Variants in CABP1 observed in about 807,000 individuals in gnomAD.
CABP1 encodes the protein calcium binding protein 1.
A neutral mutation model predicts 34.3 loss-of-function variants in CABP1; 17 were observed. The ratio of observed to expected loss-of-function variants is 0.50; its 90% CI spans 0.34 to 0.74. The LOEUF is 0.74. Among genes scored for constraint, CABP1 ranks in the 30% least tolerant of loss-of-function variants. The probability of loss-of-function intolerance (pLI) is 0.01; values close to 1 mark genes in which losing one functional copy is unlikely to be tolerated. For synonymous variants in CABP1, 198 were observed against 229.2 expected, an observed-to-expected ratio of 0.86 and a Z score of 1.23; for missense variants, 373 against 511.1, an observed-to-expected ratio of 0.73 and a Z score of 2.61.
Position 120,641,213 on chromosome 12 carries a change from C to T in CABP1, c.528C>T (p.Ser176=). The part of the protein sequence containing the change: ...RGRDGEERGL[S]PALGLRGSLR... ...GGGATGGGGAGGAACGGGGACTGTC[C>T]CCGGCGCTCGGCCTCCGGGGCTCTC... Residue 176 remains serine, a synonymous_variant, in exon 1 of 6, where the codon TCC becomes TCT. Transcript: ENST00000316803. This position sits in a 1 kb window ranked among gnomAD's most constrained non-coding sequence, Gnocchi z 6.7. The T allele has an allele frequency of 1.6e-6, 2 of 1,258,608 alleles. No homozygotes were observed. The highest frequency in any genetic ancestry group is 2.0e-6 in the Non-Finnish European group (2 of 1,002,716). The allele number at this position is 1,258,608 out of a possible 1,614,324, so 78.0% of individuals were successfully genotyped here.
At chr12:120,656,405 A>T in intron 1 of CABP1, 1 of 773,782 alleles carries the variant, frequency 1.3e-6, no homozygotes, top group Non-Finnish European at 1.9e-6. Flanking sequence ...TTTTCCACTC[A>T]TGGCTACAAA....
downstream of CABP1, among the ~76,000 whole-genome samples, chr12:120,670,550 C>T (rs150084731): frequency 8.5e-3 from 1,294 of 152,186 alleles, 29 homozygotes; most frequent in Non-Finnish European, 8.9e-3. Flanking sequence ...GAGTCTGAGA[C>T]CAGCCTGACC....
Position 120,661,311 on chromosome 12 carries a change from G to C in CABP1, c.1087+93G>C. ...GTATCCATCATGCAACCATCAATCC[G>C]CCCTAATTTTCCAACCCCCAGCCCT... On this transcript the variant is annotated intron_variant, in intron 5 of 5. Transcript: ENST00000316803. This position sits in a 1 kb window ranked among gnomAD's most constrained non-coding sequence, Gnocchi z 5.1. 3 of 1,464,896 alleles carry C rather than the reference G, an allele frequency of 2.0e-6. No homozygotes were observed. Among genetic ancestry groups the C allele is most frequent in the Non-Finnish European group, 2.7e-6 (3 of 1,092,942 alleles). The allele number at this position is 1,464,896 out of a possible 1,614,324, so 90.7% of individuals were successfully genotyped here.
chr12:120,669,925 GT>G, downstream of CABP1, among the ~76,000 whole-genome samples: 1 of 152,160 alleles, frequency 6.6e-6, no homozygotes, highest in East Asian at 1.9e-4. Flanking sequence ...TTGTCTTTTT[GT>G]TGGTTTGTTC....
In CABP1 at chr12:120,660,822, G is replaced by A; in HGVS notation, c.921G>A (p.Leu307=). The A allele has an allele frequency of 6.2e-7, 1 of 1,612,802 alleles. No individual in the cohort carries two copies. Among genetic ancestry groups the A allele is most frequent in the South Asian group, 1.1e-5 (1 of 91,064 alleles). The change falls in exon 4 of 6, where the codon CTG becomes CTA. Residue 307 remains leucine, a synonymous_variant. Transcript: ENST00000316803. The surrounding 1 kb of genome is among the most constrained non-coding windows in gnomAD (Gnocchi z 5.0). ...ETADMIGVKE[L]RDAFREFDTN... ...CAGATATGATTGGTGTAAAGGAACT[G>A]CGAGATGCTTTCCGAGAGGTAACGG...
chr12:120,655,275 GA>G (rs991625071), intron 1 of CABP1: 21 of 151,994 alleles, frequency 1.4e-4, no homozygotes, highest in Non-Finnish European at 2.2e-4. Flanking sequence ...TGAAAATACG[GA>G]AAAAAAAATT....
At chr12:120,656,286 C>T (rs1458814835) in intron 1 of CABP1, 5 of 1,526,758 alleles carry the variant, frequency 3.3e-6, no homozygotes, top group South Asian at 1.3e-5. Context: ...CGTAAGTTGG[C>T]CCAGTGGAGC....
chr12:120,657,457 A>G (rs1172619853), intron 1 of CABP1, among the ~76,000 whole-genome samples: 1 of 152,142 alleles, frequency 6.6e-6, no homozygotes, highest in Non-Finnish European at 1.5e-5. Context: ...CTGCCTGAGG[A>G]AGTAGATCTG....
Position 120,660,004 on chromosome 12 carries a change from C to G in CABP1, c.685+96C>G. 1.5e-6 allele frequency: 2 copies of G among 1,362,766 alleles called. No individual in the cohort carries two copies. Among genetic ancestry groups the G allele is most frequent in the Non-Finnish European group, 1.0e-6 (1 of 969,926 alleles). 84.4% of individuals were successfully genotyped at this position (1,362,766 alleles called of 1,614,324 possible). ...GAAGAGAGGCCCCTGGAAATGGGGC[C>G]TGGTGCAACGCGGGGTATCTTCTGT... On this transcript the variant is annotated intron_variant, in intron 2 of 5. Coordinates refer to ENST00000316803, the MANE Select transcript of CABP1 (RefSeq NM_001033677.2). This position sits in a 1 kb window ranked among gnomAD's most constrained non-coding sequence, Gnocchi z 5.0.
chr12:120,655,822 CGTGCGTGCGT>C (rs1880148820), intron 1 of CABP1: 2 of 1,241,168 alleles, frequency 1.6e-6, no homozygotes, highest in African/African-American at 1.6e-5. Context: ...TGTGCCAGTG[CGTGCGTGCGT>C]GTGTGTGTGT....
chr12:120,664,880 G>GAA (rs77147570), intron 5 of CABP1, among the ~76,000 whole-genome samples: 53 of 120,560 alleles, frequency 4.4e-4, no homozygotes, highest in South Asian at 7.7e-4. Flanking sequence ...GTCTCAAAAA[G>GAA]AAAAAAAAAA....
At chr12:120,680,483 C>T in the CABP1 span, among the ~76,000 whole-genome samples, 1 of 152,154 alleles carries the variant, frequency 6.6e-6, no homozygotes, top group Non-Finnish European at 1.5e-5. Flanking sequence ...CAAACCAGCC[C>T]CAGCTGAAAG....
intron 1 of CABP1, among the ~76,000 whole-genome samples, chr12:120,646,757 C>A (rs955077031): frequency 6.6e-6 from 1 of 152,182 alleles, no homozygotes; most frequent in African/African-American, 2.4e-5. Context: ...AACTGATCCT[C>A]CCACCTCAGC....
intron 5 of CABP1, among the ~76,000 whole-genome samples, chr12:120,664,101 C>T (rs537422160): frequency 2.0e-5 from 3 of 152,312 alleles, no homozygotes; most frequent in African/African-American, 7.2e-5. Flanking sequence ...ATCCAGGTAG[C>T]GCCCACCACA....
chr12:120,641,212 C>T lies in CABP1; in HGVS notation c.527C>T (p.Ser176Phe), dbSNP rs551941174. The T allele has an allele frequency of 6.5e-5, 82 of 1,258,578 alleles. No individual in the cohort carries two copies. The South Asian group carries it at 2.3e-3, about 35-fold the overall frequency. 78.0% of individuals were successfully genotyped at this position (1,258,578 alleles called of 1,614,324 possible). A position where few individuals can be genotyped will look rare whatever the true frequency, so the allele number is the denominator to read the frequency against. The part of the protein sequence containing the change: ...RGRDGEERGL[S>F]PALGLRGSLR... ...CGGGATGGGGAGGAACGGGGACTGT[C>T]CCCGGCGCTCGGCCTCCGGGGCTCT... Residue 176 changes from serine to phenylalanine, a missense_variant, in exon 1 of 6, where the codon TCC becomes TTC. This residue lies in a region of CABP1 where 121 missense variants were observed against 125.5 expected (regional missense o/e 0.96). Transcript: ENST00000316803. This position sits in a 1 kb window ranked among gnomAD's most constrained non-coding sequence, Gnocchi z 6.7.
intron 1 of CABP1, among the ~76,000 whole-genome samples, chr12:120,651,308 G>C (rs1879833354): frequency 1.3e-5 from 2 of 152,164 alleles, no homozygotes; most frequent in African/African-American, 4.8e-5. Context: ...TGTTGAGCAG[G>C]GGTTGCATGT....
intron 5 of CABP1, among the ~76,000 whole-genome samples, chr12:120,666,041 G>C (rs1470850936): frequency 6.7e-6 from 1 of 149,594 alleles, no homozygotes; most frequent in Non-Finnish European, 1.5e-5. Context: ...AGAAAAGAGA[G>C]AGAGAGAAGG....
chr12:120,648,812 C>G (rs1879667762), intron 1 of CABP1, among the ~76,000 whole-genome samples: 1 of 151,046 alleles, frequency 6.6e-6, no homozygotes, highest in South Asian at 2.1e-4. Context: ...ACCCAGGAGG[C>G]AGAGGTTGCA....
intron 1 of CABP1, chr12:120,656,363 A>T: frequency 8.1e-7 from 1 of 1,238,422 alleles, no homozygotes; most frequent in Non-Finnish European, 1.1e-6. Flanking sequence ...TACAGAGCTC[A>T]CACCCCCAAC....
Sources: gnomAD v4.1 joint callset for allele counts (sites outside exome capture counted in the v4.1 genomes callset) on GRCh38, gnomAD v4.1.1 for gene constraint, gnomAD v4.1.1 regional missense constraint, Gnocchi (gnomAD v3.1) non-coding constraint, MANE v1.5 for transcripts, NCBI Gene and HGNC (gene_info 2026-07-23, HGNC 2026-07-21) for gene names.